Variants in TECPR2 observed in about 807,000 individuals in gnomAD.
TECPR2 encodes tectonin beta-propeller repeat containing 2.
A neutral mutation model predicts 138.1 loss-of-function variants in TECPR2; 65 were observed. The ratio of observed to expected loss-of-function variants is 0.47; its 90% CI spans 0.39 to 0.58. The LOEUF is 0.58. Among genes scored for constraint, TECPR2 ranks in the 20% least tolerant of loss-of-function variants. The pLI, the probability that TECPR2 is intolerant of heterozygous loss-of-function variation, is 0.00. For missense variants in TECPR2, 1,553 were observed against 1,824.5 expected (o/e 0.85, Z 2.71); for synonymous variants, 746 against 749.8 (o/e 0.99, Z 0.08).
intron 2 of TECPR2, among the ~76,000 whole-genome samples, chr14:102,385,071 G>A (rs1887960431): frequency 6.6e-6 from 1 of 151,646 alleles, no homozygotes; most frequent in Non-Finnish European, 1.5e-5. Context: ...TGGCCAGGCT[G>A]GTCTCAAACT....
chr14:102,455,188 G>A (rs534085998), intron 16 of TECPR2, among the ~76,000 whole-genome samples: 1 of 152,344 alleles, frequency 6.6e-6, no homozygotes, highest in South Asian at 2.1e-4. Context: ...GAGGGGTTGG[G>A]TGTGTGAACA....
intron 2 of TECPR2, among the ~76,000 whole-genome samples, chr14:102,378,997 C>T (rs118008272): frequency 0.04 from 6,086 of 152,220 alleles, 141 homozygotes; most frequent in Middle Eastern, 0.088. Context: ...CTCATGGATT[C>T]GACTGATCAA....
At chr14:102,370,903 G>A (rs1887488031) in intron 1 of TECPR2, among the ~76,000 whole-genome samples, 1 of 152,202 alleles carries the variant, frequency 6.6e-6, no homozygotes, top group East Asian at 1.9e-4. Flanking sequence ...GATCAGGGAT[G>A]ATGCTCCTTT....
chr14:102,429,817 T>C (rs1390238171), intron 7 of TECPR2, among the ~76,000 whole-genome samples: 1 of 152,206 alleles, frequency 6.6e-6, no homozygotes, highest in African/African-American at 2.4e-5. Flanking sequence ...GCTCTGGACC[T>C]CTGCTGCCCA....
intron 1 of TECPR2, among the ~76,000 whole-genome samples, chr14:102,373,440 G>T (rs1887559026): frequency 6.6e-6 from 1 of 152,172 alleles, no homozygotes; most frequent in African/African-American, 2.4e-5. Flanking sequence ...AATAGGCTTT[G>T]ATTAGATGAT....
intron 4 of TECPR2, among the ~76,000 whole-genome samples, chr14:102,410,631 G>A (rs1440454554): frequency 6.6e-6 from 1 of 152,046 alleles, no homozygotes; most frequent in East Asian, 1.9e-4. Context: ...TTGAGCTCCT[G>A]TATGGATACT....
chr14:102,458,464 A>G (rs1890326633), intron 16 of TECPR2, among the ~76,000 whole-genome samples: 1 of 152,124 alleles, frequency 6.6e-6, no homozygotes, highest in Non-Finnish European at 1.5e-5. Context: ...ATACAGCTCC[A>G]GTCTTTGGTG....
In TECPR2 at chr14:102,497,670, C is replaced by T. The variant is rs764511150; in HGVS notation, c.4032C>T (p.Pro1344=). Residue 1344 remains proline (P), a synonymous_variant, in exon 19 of 20, where the codon CCC becomes CCT. Coordinates refer to ENST00000359520, the MANE Select transcript of TECPR2 (RefSeq NM_014844.5). ...ARRYGVTDKN[P]AGDYWKKIPG... ...GGTACGGCGTCACAGACAAGAACCC[C>T]GCCGGGGACTACTGGAAGAAAATTC... 38 of 1,608,872 alleles carry T rather than the reference C, an allele frequency of 2.4e-5. No homozygotes were observed. Among genetic ancestry groups the T allele is most frequent in the Middle Eastern group, 3.3e-4 (2 of 6,076 alleles).
rs761593622 is a variant in TECPR2 at position 102,445,929 on chromosome 14, TGAC to T, written c.3061_3063del (p.Asp1021del). 1.2e-6 allele frequency: 2 copies of T among 1,613,952 alleles called. No homozygotes were observed. The highest frequency in any genetic ancestry group is 1.1e-5 in the South Asian group (1 of 91,066). ...TTATTTCCAAGAAGCCCCAAGGAGA[TGAC>T]GACCATTGGTGGCAAGTAGGTGTTC... On this transcript the variant is annotated inframe_deletion, in exon 13 of 20. Transcript: ENST00000359520.
rs181242193 is a variant in TECPR2, at chr14:102,498,019, C to T, written c.4082-84C>T. 6.1e-4 allele frequency: 953 copies of T among 1,549,776 alleles called. 6 individuals carry two copies. The African/African-American group carries it at 0.011, about 18-fold the overall frequency. On this transcript the variant is annotated intron_variant, in intron 19 of 19. Transcript: ENST00000359520. ...CACCTAGAATGTGGCAAGCCCAGAC[C>T]TGCGCCCAAGCTCCCAGCTCCATCT...
intron 7 of TECPR2, among the ~76,000 whole-genome samples, chr14:102,431,543 T>A (rs187542455): frequency 6.6e-6 from 1 of 151,868 alleles, no homozygotes; most frequent in African/African-American, 2.4e-5. Context: ...GGGGTTTCAC[T>A]GTGTTAGCCA....
chr14:102,462,351 T>A (rs1890428703), intron 16 of TECPR2, among the ~76,000 whole-genome samples: 2 of 152,262 alleles, frequency 1.3e-5, no homozygotes, highest in Non-Finnish European at 2.9e-5. Flanking sequence ...CAGGGAATTC[T>A]GTTTAAACTC....
intron 13 of TECPR2, among the ~76,000 whole-genome samples, chr14:102,447,489 A>C (rs576551773): frequency 6.6e-6 from 1 of 152,114 alleles, no homozygotes; most frequent in African/African-American, 2.4e-5. Flanking sequence ...ACAGTCTCCC[A>C]CTGTGGTAGG....
chr14:102,469,209 C>T (rs1336963511), intron 17 of TECPR2, among the ~76,000 whole-genome samples: 2 of 152,204 alleles, frequency 1.3e-5, no homozygotes, highest in Non-Finnish European at 2.9e-5. Flanking sequence ...AGTCTGTGAA[C>T]ATGGGATGTC....
chr14:102,452,244 C>T, intron 15 of TECPR2, 150 bp from the exon 16 acceptor site: 2 of 684,902 alleles, frequency 2.9e-6, no homozygotes, highest in South Asian at 3.6e-5. Context: ...CTACACCGCT[C>T]CTGCCCGTGT....
rs762955691 is a variant in TECPR2 at position 102,495,315 on chromosome 14, G to T, written c.3790-1664G>T. ...GTCAGTGTTTTGGCTGCGGAGCTGCGACCAAGTCTGGATGTGTTTGGGATT... is the reference window on the plus strand; with the variant it reads ...GTCAGTGTTTTGGCTGCGGAGCTGCTACCAAGTCTGGATGTGTTTGGGATT... On this transcript the variant is annotated intron_variant, in intron 17 of 19. Transcript: ENST00000359520. 1.3e-5 allele frequency among the ~76,000 whole-genome samples: 2 copies of T among 152,332 alleles called. 1 individual carries two copies. The highest frequency in any genetic ancestry group is 6.8e-3 in the Middle Eastern group (2 of 294).
intron 4 of TECPR2, 38 bp downstream of exon 4, chr14:102,408,657 T>G (rs1415724655): frequency 1.3e-6 from 2 of 1,561,440 alleles, no homozygotes; most frequent in Non-Finnish European, 8.6e-7. Context: ...GCTCTTACCT[T>G]CTTACATTTG....
chr14:102,395,090 A>G (rs942457545), intron 2 of TECPR2, among the ~76,000 whole-genome samples: 15 of 152,146 alleles, frequency 9.9e-5, no homozygotes, highest in African/African-American at 3.6e-4. Flanking sequence ...CTAGATCACG[A>G]TCTGACACTA....
chr14:102,434,707 C>G lies in TECPR2; in HGVS notation c.1890C>G (p.Ile630Met), dbSNP rs748236852. 1 of 1,613,734 alleles carries G rather than the reference C, an allele frequency of 6.2e-7. No homozygotes were observed. The highest frequency in any genetic ancestry group is 8.5e-7 in the Non-Finnish European group (1 of 1,179,958). ...SSPGAHDGED[I>M]QPIGPQSTFC... ...CTGGGGCGCATGATGGGGAAGACAT[C>G]CAACCCATTGGCCCCCAAAGCACTT... The change falls in exon 9 of 20, where the codon ATC (isoleucine) becomes ATG (methionine). Residue 630 changes from isoleucine to methionine, a missense_variant. Physicochemically the swap from Ile to Met is conservative, Grantham distance 10. Transcript: ENST00000359520.
Sources: allele counts gnomAD v4.1 joint callset (sites outside exome capture counted in the v4.1 genomes callset), GRCh38; gene constraint gnomAD v4.1.1; transcripts MANE v1.5; gene names NCBI Gene and HGNC (gene_info 2026-07-23, HGNC 2026-07-21).